The following GRM7 variants were observed in gnomAD, a reference collection of about 807,000 sequenced individuals.
GRM7 encodes the protein metabotropic glutamate receptor 7.
GRM7 carries 35 observed loss-of-function variants against 84.5 expected under a neutral mutation model. The observed-to-expected ratio is 0.41, with a 90% CI of 0.32 to 0.55. GRM7 has a LOEUF of 0.55. GRM7 is among the 20% of genes least tolerant of loss of function. GRM7 has a pLI of 0.19. For synonymous variants in GRM7, 487 were observed against 455.1 expected (o/e 1.07, Z -0.89); for missense variants, 1,003 against 1,194.6 (o/e 0.84, Z 2.36).
intron 8 of GRM7, among the ~76,000 whole-genome samples, chr3:7,587,519 C>T (rs1016321576): frequency 2.6e-5 from 4 of 152,184 alleles, no homozygotes; most frequent in African/African-American, 7.2e-5. Context: ...AGAGCTGACA[C>T]TGGAGAGACG....
chr3:7,131,514 C>T (rs1691901193), intron 1 of GRM7, among the ~76,000 whole-genome samples: 4 of 152,116 alleles, frequency 2.6e-5, no homozygotes, highest in Admixed American at 2.0e-4. Context: ...GAGTCTCACT[C>T]TGTTGCCAGG....
chr3:6,971,787 A>G (rs1248987230), intron 1 of GRM7, among the ~76,000 whole-genome samples: 1 of 152,170 alleles, frequency 6.6e-6, no homozygotes. Flanking sequence ...AATTCCTTAT[A>G]GTGATGGAGA....
At chr3:7,695,628 T>C (rs1700988884) in intron 9 of GRM7, among the ~76,000 whole-genome samples, 1 of 152,182 alleles carries the variant, frequency 6.6e-6, no homozygotes, top group Non-Finnish European at 1.5e-5. Context: ...GGAGCCCATA[T>C]ACCTGGATTC....
chr3:7,589,337 A>G (rs1255235469), intron 8 of GRM7, among the ~76,000 whole-genome samples: 1 of 152,248 alleles, frequency 6.6e-6, no homozygotes, highest in Non-Finnish European at 1.5e-5. Flanking sequence ...ACTGAGGTTC[A>G]ACTTAAATGC....
At chr3:7,683,676 A>G (rs1413751097) in intron 9 of GRM7, among the ~76,000 whole-genome samples, 1 of 152,262 alleles carries the variant, frequency 6.6e-6, no homozygotes, top group African/African-American at 2.4e-5. Context: ...TAGAGTAAGC[A>G]CTAGCACATG....
chr3:7,016,954 T>C, intron 1 of GRM7, among the ~76,000 whole-genome samples: 1 of 152,112 alleles, frequency 6.6e-6, no homozygotes. Context: ...GCTGGTAGCA[T>C]GAGCATCACC....
chr3:7,352,290 A>G (rs191606764), intron 4 of GRM7, among the ~76,000 whole-genome samples: 1 of 152,076 alleles, frequency 6.6e-6, no homozygotes, highest in Non-Finnish European at 1.5e-5. Context: ...CCTAATCACT[A>G]CTTATAAGAA....
At chr3:7,077,915 G>A (rs1471827717) in intron 1 of GRM7, among the ~76,000 whole-genome samples, 5 of 152,114 alleles carry the variant, frequency 3.3e-5, no homozygotes, top group Non-Finnish European at 7.4e-5. Flanking sequence ...ATGATTTAAA[G>A]CAGAGGTTGG....
intron 1 of GRM7, among the ~76,000 whole-genome samples, chr3:6,985,439 A>G (rs1694372937): frequency 1.3e-5 from 2 of 152,094 alleles, no homozygotes; most frequent in Admixed American, 6.5e-5. Flanking sequence ...TCCCACAAAT[A>G]TGTGAGAACA....
chr3:7,600,857 A>G (rs553091672), intron 8 of GRM7, among the ~76,000 whole-genome samples: 113 of 152,230 alleles, frequency 7.4e-4, no homozygotes, highest in African/African-American at 2.6e-3. Flanking sequence ...TTTGTATGCA[A>G]ATCTCTTGCT....
chr3:7,448,999 G>A (rs1288709614), intron 5 of GRM7, among the ~76,000 whole-genome samples: 2 of 151,678 alleles, frequency 1.3e-5, no homozygotes, highest in Non-Finnish European at 1.5e-5. Context: ...AAAGTAGCAG[G>A]TTATAAAATT....
intron 7 of GRM7, among the ~76,000 whole-genome samples, chr3:7,467,782 C>G (rs1166873658): frequency 6.6e-6 from 1 of 151,980 alleles, no homozygotes; most frequent in African/African-American, 2.4e-5. Flanking sequence ...TCTTTACAAT[C>G]TTATTCACCA....
At chr3:7,697,365 C>A (rs1280977041) in intron 9 of GRM7, among the ~76,000 whole-genome samples, 2 of 151,926 alleles carry the variant, frequency 1.3e-5, no homozygotes. Flanking sequence ...GTGTCATTAT[C>A]CTCATTTATA....
At chr3:7,689,327 G>A (rs113282854) in intron 9 of GRM7, among the ~76,000 whole-genome samples, 17 of 152,270 alleles carry the variant, frequency 1.1e-4, no homozygotes, top group Middle Eastern at 3.4e-3. Flanking sequence ...GCAAGTTTTC[G>A]TATCATGTTG....
intron 1 of GRM7, among the ~76,000 whole-genome samples, chr3:7,101,972 T>C (rs1699124751): frequency 6.6e-6 from 1 of 151,446 alleles, no homozygotes; most frequent in African/African-American, 2.4e-5. Context: ...TATAAATTCA[T>C]TTAATTTATT....
intron 1 of GRM7, among the ~76,000 whole-genome samples, chr3:7,090,821 A>C (rs1698636908): frequency 2.0e-5 from 3 of 152,198 alleles, no homozygotes; most frequent in Non-Finnish European, 2.9e-5. Context: ...TTGTTAACTC[A>C]AGGTCAGCCA....
intron 4 of GRM7, among the ~76,000 whole-genome samples, chr3:7,372,118 C>T (rs1346838073): frequency 2.0e-5 from 3 of 151,738 alleles, no homozygotes; most frequent in East Asian, 3.9e-4. Context: ...GGAAGTAGGG[C>T]GGGAGAGGTG....
At chr3:6,927,455 A>AAG (rs141330905) in intron 1 of GRM7, among the ~76,000 whole-genome samples, 16,249 of 101,364 alleles carry the variant, frequency 0.16, 1,484 homozygotes, top group African/African-American at 0.22. Flanking sequence ...AGAAGAAAGA[A>AAG]AGAGAGAGAG....
chr3:6,907,876 A>G (rs1696635480), intron 1 of GRM7, among the ~76,000 whole-genome samples: 1 of 152,098 alleles, frequency 6.6e-6, no homozygotes, highest in South Asian at 2.1e-4. Context: ...AGTATTTTAG[A>G]TTATAAAATT....
Sources: allele counts gnomAD v4.1 joint callset (sites outside exome capture counted in the v4.1 genomes callset), GRCh38; gene constraint gnomAD v4.1.1; transcripts MANE v1.5; gene names NCBI Gene and HGNC (gene_info 2026-07-23, HGNC 2026-07-21).